The following PCDH11X variants were observed in gnomAD, a reference collection of about 807,000 sequenced individuals.
PCDH11X encodes the protein protocadherin-11 X-linked.
A neutral mutation model predicts 53.3 loss-of-function variants in PCDH11X; 18 were observed. The observed-to-expected ratio is 0.34, with a 90% confidence interval of 0.23 to 0.50. PCDH11X has a LOEUF of 0.50. PCDH11X is among the 20% of genes least tolerant of loss of function. The probability of loss-of-function intolerance (pLI) is 0.98; values close to 1 mark genes in which losing one functional copy is unlikely to be tolerated. For synonymous variants in PCDH11X, 279 were observed against 393.3 expected, an observed-to-expected ratio of 0.71 and a Z score of 3.44; for missense variants, 570 against 1,032.4, an observed-to-expected ratio of 0.55 and a Z score of 6.14.
intron 10 of PCDH11X, among the ~76,000 whole-genome samples, chrX:92,584,892 C>T (rs1469700451): frequency 1.0e-5 from 1 of 98,323 alleles, no homozygotes; most frequent in Non-Finnish European, 2.0e-5. Flanking sequence ...CTCGGGGGTA[C>T]AAGTGATTCT....
rs201174468 is a variant in PCDH11X at position 92,332,386 on chromosome X, GTGTGTGCATGCATGCACACA to G, written c.3145-55339_3145-55320del. ...AACTTTTACTTGTGTATAGGTGTGT[GTGTGTGCATGCATGCACACA>G]TGTGTGCATTCACATGCATGCCTCT... is the stretch of plus-strand genomic sequence containing the variant. On this transcript the variant is annotated intron_variant, in intron 8 of 10. Coordinates refer to ENST00000682573, the MANE Select transcript of PCDH11X (RefSeq NM_032968.5). 9.5e-3 allele frequency among the ~76,000 whole-genome samples: 1,062 copies of G among 111,452 alleles called. 7 individuals are homozygous for G. The highest frequency in any genetic ancestry group is 0.042 in the Middle Eastern group (9 of 216).
intron 9 of PCDH11X, among the ~76,000 whole-genome samples, chrX:92,453,605 A>G (rs2072847938): frequency 9.0e-6 from 1 of 111,363 alleles, no homozygotes; most frequent in Non-Finnish European, 1.9e-5. Context: ...TTTTTATGGT[A>G]CGACATACAG....
At position 92,543,399 on chromosome X, in the gene PCDH11X, A is replaced by G. The variant is rs535498723; in HGVS notation, c.3368-74865A>G. ...CAACATCTTTTGACCCAATTTTTCT[A>G]AAAGAAGACGTTAAGAACTTGTTAA... is the stretch of plus-strand genomic sequence containing the variant. On this transcript the variant is annotated intron_variant, in intron 10 of 10. Coordinates refer to ENST00000682573, the MANE Select transcript of PCDH11X (RefSeq NM_032968.5). Among the ~76,000 whole-genome samples, 50 of 110,355 alleles carry G rather than the reference A, an allele frequency of 4.5e-4. No homozygotes were observed. In the South Asian group the frequency reaches 6.5e-3, roughly 14 times the overall value.
chrX:91,941,234 A>G (rs1051594576), intron 6 of PCDH11X, among the ~76,000 whole-genome samples: 10 of 111,310 alleles, frequency 9.0e-5, no homozygotes, highest in Non-Finnish European at 3.8e-5. Context: ...CTTACAAACA[A>G]CCAGTAACAC....
chrX:92,466,624 G>A (rs1169944868), intron 9 of PCDH11X, among the ~76,000 whole-genome samples: 1 of 109,711 alleles, frequency 9.1e-6, no homozygotes, highest in African/African-American at 3.3e-5. Flanking sequence ...ATTTGACTTT[G>A]GTGGTTTATA....
At chrX:91,851,677 C>T (rs1311198577) in intron 5 of PCDH11X, among the ~76,000 whole-genome samples, 2 of 111,757 alleles carry the variant, frequency 1.8e-5, no homozygotes, top group Admixed American at 9.5e-5. Flanking sequence ...ATTGACAGGT[C>T]GGCTGAGGAA....
chrX:92,220,469 C>T lies in PCDH11X; in HGVS notation c.3114+19014C>T, dbSNP rs1200144765. Among the ~76,000 whole-genome samples, 26 of 107,921 alleles carry T rather than the reference C, an allele frequency of 2.4e-4. 1 individual carries two copies. The South Asian group carries it at 8.3e-3, about 34-fold the overall frequency. 93.7% of individuals were successfully genotyped at this position (107,921 alleles called of 115,157 possible). On this transcript the variant is annotated intron_variant, in intron 7 of 10. Coordinates refer to ENST00000682573, the MANE Select transcript of PCDH11X (RefSeq NM_032968.5). The stretch of plus-strand genomic sequence containing the variant: ...AAAAATGCTCACCATCACTGGCCAT[C>T]AGAGAAATGCAAATCAAAACCACAA...
rs753957128 is a variant in PCDH11X at position 92,425,402 on chromosome X, T to C, written c.3343+37469T>C. On this transcript the variant is annotated intron_variant, in intron 9 of 10. Transcript: ENST00000682573. ...ATATATTGTATGTGTGATATGTGTGTATCCTTCTTTAATAATAATGAAGGA... is the reference window on the plus strand; with the variant it reads ...ATATATTGTATGTGTGATATGTGTGCATCCTTCTTTAATAATAATGAAGGA... Among the ~76,000 whole-genome samples, 17 of 106,895 alleles carry C rather than the reference T, an allele frequency of 1.6e-4. No individual in the cohort carries two copies. In the East Asian group the frequency reaches 4.6e-3, roughly 29 times the overall value. The allele number at this position is 106,895 out of a possible 115,157, so 92.8% of individuals were successfully genotyped here.
chrX:92,121,884 C>T (rs1292084818), intron 6 of PCDH11X, among the ~76,000 whole-genome samples: 1 of 109,156 alleles, frequency 9.2e-6, no homozygotes, highest in East Asian at 2.9e-4. Flanking sequence ...CACCACCATG[C>T]CTAGCTAATT....
At chrX:91,998,985 C>G (rs1240402667) in intron 6 of PCDH11X, among the ~76,000 whole-genome samples, 1 of 110,196 alleles carries the variant, frequency 9.1e-6, no homozygotes, top group Non-Finnish European at 1.9e-5. Flanking sequence ...GCAAACACGG[C>G]TCACTGCTGC....
chrX:92,547,090 A>C (rs2074868252), intron 10 of PCDH11X, among the ~76,000 whole-genome samples: 1 of 108,041 alleles, frequency 9.3e-6, no homozygotes, highest in East Asian at 2.9e-4. Context: ...AGCCCAGCAA[A>C]AAAGAAGCAG....
chrX:92,573,985 AATTGTAGT>A (rs1922517957), intron 10 of PCDH11X, among the ~76,000 whole-genome samples: 1 of 110,303 alleles, frequency 9.1e-6, no homozygotes, highest in Non-Finnish European at 1.9e-5. Flanking sequence ...TTCCCGGCAG[AATTGTAGT>A]ATTTACAATG....
chrX:92,327,034 G>A (rs1224050622), intron 8 of PCDH11X, among the ~76,000 whole-genome samples: 1 of 108,698 alleles, frequency 9.2e-6, no homozygotes, highest in East Asian at 2.9e-4. Context: ...GCTAATAATT[G>A]CATGCTTTCA....
intron 10 of PCDH11X, among the ~76,000 whole-genome samples, chrX:92,564,138 A>G (rs150598193): frequency 0.026 from 2,842 of 111,398 alleles, 48 homozygotes; most frequent in Non-Finnish European, 0.042. Flanking sequence ...AAATGGAAAG[A>G]TATTTCGTGT....
intron 8 of PCDH11X, among the ~76,000 whole-genome samples, chrX:92,299,893 T>A (rs6615355): frequency 0.03 from 3,207 of 106,931 alleles, 83 homozygotes; most frequent in East Asian, 0.11. Context: ...CTAGTTGTGA[T>A]GTTAGGTTGT....
intron 6 of PCDH11X, among the ~76,000 whole-genome samples, chrX:92,079,174 G>A (rs2063817984): frequency 9.0e-6 from 1 of 111,699 alleles, no homozygotes; most frequent in South Asian, 3.8e-4. Context: ...GGCCTGCATG[G>A]TGCATTGTAC....
At chrX:92,122,287 C>T (rs890109900) in intron 6 of PCDH11X, among the ~76,000 whole-genome samples, 2 of 111,053 alleles carry the variant, frequency 1.8e-5, no homozygotes, top group Non-Finnish European at 3.8e-5. Flanking sequence ...CAGCCGCAGT[C>T]ACCTCTTGAA....
intron 8 of PCDH11X, among the ~76,000 whole-genome samples, chrX:92,322,720 A>C (rs1170768912): frequency 9.0e-6 from 1 of 111,711 alleles, no homozygotes; most frequent in Non-Finnish European, 1.9e-5. Flanking sequence ...TCTTATCAAC[A>C]CTCATAAAGT....
chrX:92,270,308 G>A (rs1006078041), intron 8 of PCDH11X, among the ~76,000 whole-genome samples: 1 of 109,561 alleles, frequency 9.1e-6, no homozygotes, highest in African/African-American at 3.3e-5. Context: ...GTTTTTAGTA[G>A]AGATGGGGTG....
Sources: gnomAD v4.1 joint callset for allele counts (sites outside exome capture counted in the v4.1 genomes callset) on GRCh38, gnomAD v4.1.1 for gene constraint, MANE v1.5 for transcripts, NCBI Gene and HGNC (gene_info 2026-07-23, HGNC 2026-07-21) for gene names.